The following CACNA1E variants were observed in gnomAD, a reference collection of about 807,000 sequenced individuals.
CACNA1E encodes voltage-dependent R-type calcium channel subunit alpha-1E.
A neutral mutation model predicts 259.2 loss-of-function variants in CACNA1E; 40 were observed. The observed-to-expected ratio is 0.15, with a 90% CI of 0.12 to 0.20. The LOEUF is 0.20. Ranked by LOEUF, CACNA1E falls within the 10% of genes least tolerant of loss-of-function variation. The pLI is 1.00. For synonymous variants in CACNA1E, 1,104 were observed against 1,138.5 expected, an observed-to-expected ratio of 0.97 and a Z score of 0.61; for missense variants, 1,874 against 3,040.1, an observed-to-expected ratio of 0.62 and a Z score of 9.02.
At chr1:181,523,664 C>T (rs916463096) in intron 3 of CACNA1E, among the ~76,000 whole-genome samples, 9 of 152,160 alleles carry the variant, frequency 5.9e-5, no homozygotes, top group African/African-American at 2.2e-4. Flanking sequence ...GAAATAACTC[C>T]TCCAAGGGAT....
At chr1:181,574,162 G>T (rs1238030143) in intron 3 of CACNA1E, among the ~76,000 whole-genome samples, 1 of 152,166 alleles carries the variant, frequency 6.6e-6, no homozygotes, top group Admixed American at 6.6e-5. Context: ...GAGAGCATCA[G>T]GAGAAATAAC....
chr1:181,602,102 A>G (rs1653801094), intron 6 of CACNA1E, among the ~76,000 whole-genome samples: 1 of 151,690 alleles, frequency 6.6e-6, no homozygotes, highest in Admixed American at 6.6e-5. Flanking sequence ...CCTTCCCAGT[A>G]CTCTCTTAAC....
At position 181,485,859 on chromosome 1, in the gene CACNA1E, G is replaced by T. The variant is rs912892941; in HGVS notation, c.266+1849G>T. Among the ~76,000 whole-genome samples, 6 of 152,220 alleles carry T rather than the reference G, an allele frequency of 3.9e-5. No individual in the cohort carries two copies. The highest frequency in any genetic ancestry group is 8.8e-5 in the Non-Finnish European group (6 of 68,040). ...ACAGGCGCCCTCCCGTTTCTTTGCG[G>T]TAGACAAAGCCGCCCAACCGCCCCG... On this transcript the variant is annotated intron_variant, in intron 1 of 47. Transcript: ENST00000367573. The surrounding 1 kb of genome is among the most constrained non-coding windows in gnomAD (Gnocchi z 4.2).
intron 44 of CACNA1E, among the ~76,000 whole-genome samples, chr1:181,791,850 C>T (rs1415635464): frequency 6.6e-6 from 1 of 152,202 alleles, no homozygotes; most frequent in African/African-American, 2.4e-5. Flanking sequence ...ACCTCAGAGC[C>T]ACCCTGAATG....
chr1:181,411,389 G>T (rs933223002), intron 1 of CACNA1E, among the ~76,000 whole-genome samples: 1 of 152,182 alleles, frequency 6.6e-6, no homozygotes, highest in African/African-American at 2.4e-5. Context: ...CAACCTTTAG[G>T]GGTGTAGTAG....
chr1:181,701,147 A>G lies in CACNA1E; in HGVS notation c.1056-9807A>G, dbSNP rs114133431. 4.8e-3 allele frequency among the ~76,000 whole-genome samples: 733 copies of G among 152,334 alleles called. 8 individuals are homozygous for G. Among genetic ancestry groups the G allele is most frequent in the African/African-American group, 0.017 (721 of 41,570 alleles). On this transcript the variant is annotated intron_variant, in intron 7 of 47. Coordinates refer to ENST00000367573, the MANE Select transcript of CACNA1E (RefSeq NM_001205293.3). Reference sequence around the variant, plus strand: ...TGTGGGAAATGCAAAACTTTTTACAAAGGGGAAAGATGCCCACACAGGGTG... The same window carrying G: ...TGTGGGAAATGCAAAACTTTTTACAGAGGGGAAAGATGCCCACACAGGGTG...
intron 18 of CACNA1E, 24 bp from the exon 19 acceptor site, chr1:181,731,151 A>G: frequency 6.2e-7 from 1 of 1,608,682 alleles, no homozygotes; most frequent in South Asian, 1.1e-5. Context: ...GGGTGAACTG[A>G]ACCTGTCCAT....
chr1:181,399,085 G>A (rs1656898774), intron 1 of CACNA1E, among the ~76,000 whole-genome samples: 1 of 152,146 alleles, frequency 6.6e-6, no homozygotes, highest in Non-Finnish European at 1.5e-5. Flanking sequence ...TCAATCCTTT[G>A]ATTCTTCCCA....
At chr1:181,468,365 G>A (rs184860557) in intron 2 of CACNA1E, among the ~76,000 whole-genome samples, 1 of 152,284 alleles carries the variant, frequency 6.6e-6, no homozygotes, top group East Asian at 1.9e-4. Context: ...TGAACTGATT[G>A]TCTCCAGAAT....
chr1:181,442,205 TG>T (rs1660524296), intron 2 of CACNA1E, among the ~76,000 whole-genome samples: 1 of 115,386 alleles, frequency 8.7e-6, no homozygotes, highest in African/African-American at 4.0e-5. Flanking sequence ...GACTCAAGTG[TG>T]GGGGGCACAG....
chr1:181,414,876 T>C (rs1192057458), intron 2 of CACNA1E, among the ~76,000 whole-genome samples: 1 of 152,364 alleles, frequency 6.6e-6, no homozygotes, highest in East Asian at 1.9e-4. Flanking sequence ...ACAGTGCCTT[T>C]CATTCTAACT....
intron 7 of CACNA1E, among the ~76,000 whole-genome samples, chr1:181,704,856 G>A (rs971646919): frequency 5.9e-5 from 9 of 152,116 alleles, no homozygotes; most frequent in South Asian, 2.1e-4. Context: ...TCCTCCAACC[G>A]AGGCTTTCTT....
intron 1 of CACNA1E, among the ~76,000 whole-genome samples, chr1:181,372,504 C>CTAGGGGGT (rs1654773539): frequency 6.6e-6 from 1 of 152,060 alleles, no homozygotes; most frequent in Non-Finnish European, 1.5e-5. Flanking sequence ...TAGGCAGAGA[C>CTAGGGGGT]TAGGGGGTTT....
chr1:181,442,444 G>A (rs1660560140), intron 2 of CACNA1E, among the ~76,000 whole-genome samples: 1 of 152,054 alleles, frequency 6.6e-6, no homozygotes, highest in Non-Finnish European at 1.5e-5. Context: ...AGGTATGAAG[G>A]GAATGGATGT....
chr1:181,365,498 C>T (rs1343887953), intron 1 of CACNA1E, among the ~76,000 whole-genome samples: 1 of 152,228 alleles, frequency 6.6e-6, no homozygotes. Flanking sequence ...GGTTACCTGG[C>T]ATTCGGAGAC....
In CACNA1E at chr1:181,794,944, A is replaced by T; in HGVS notation, c.6108A>T (p.Glu2036Asp). 1.2e-6 allele frequency: 2 copies of T among 1,613,886 alleles called. No homozygotes were observed. Among genetic ancestry groups the T allele is most frequent in the Admixed American group, 1.7e-5 (1 of 60,016 alleles). The change falls in exon 46 of 48, where the codon GAA becomes GAT. Residue 2036 changes from glutamate to aspartate, a missense_variant. Transcript: ENST00000367573. ...DKRSNSSWLE[E>D]FSMERSSENT... ...GTTCAAATTCCTCGTGGTTGGAGGA[A>T]TTCTCCATGGAGCGAAGCAGTGAAA...
Position 181,715,469 on chromosome 1 carries a change from A to G in CACNA1E, c.1225+78A>G, listed in dbSNP as rs12407563. The G allele has an allele frequency of 0.85, 645,288 of 756,090 alleles. 275,802 individuals are homozygous for G. The highest frequency in any genetic ancestry group is 0.89 in the South Asian group (56,557 of 63,334). 46.8% of individuals were successfully genotyped at this position (756,090 alleles called of 1,614,324 possible). On this transcript the variant is annotated intron_variant, in intron 9 of 47. Coordinates refer to ENST00000367573, the MANE Select transcript of CACNA1E (RefSeq NM_001205293.3). The stretch of plus-strand genomic sequence containing the variant: ...ATGGCAATCTCTGTTATTCAAAAGG[A>G]GAGAAAGAAATGAAAGATGGTGTTC...
intron 3 of CACNA1E, among the ~76,000 whole-genome samples, chr1:181,552,499 C>CA (rs1553276650): frequency 4.1e-5 from 6 of 146,300 alleles, no homozygotes; most frequent in African/African-American, 7.5e-5. Context: ...AATCACTGAT[C>CA]TTTTTTTTTT....
chr1:181,409,736 G>A (rs909864958), intron 1 of CACNA1E, among the ~76,000 whole-genome samples: 1 of 152,166 alleles, frequency 6.6e-6, no homozygotes, highest in Admixed American at 6.5e-5. Flanking sequence ...GGGGGCAACA[G>A]ACCCTCCTGG....
Sources: gnomAD v4.1 joint callset for allele counts (sites outside exome capture counted in the v4.1 genomes callset) on GRCh38, gnomAD v4.1.1 for gene constraint, Gnocchi (gnomAD v3.1) non-coding constraint, MANE v1.5 for transcripts, NCBI Gene and HGNC (gene_info 2026-07-23, HGNC 2026-07-21) for gene names.